Variants in CNTROB observed in about 807,000 individuals in gnomAD.
The protein encoded by CNTROB is centrobin.
CNTROB carries 82 observed loss-of-function variants against 115.7 expected under a neutral mutation model. The observed-to-expected ratio is 0.71, with a 90% CI of 0.59 to 0.85. CNTROB has a LOEUF of 0.85. CNTROB is among the 40% of genes least tolerant of loss of function. The probability of loss-of-function intolerance (pLI) is 0.00; values close to 1 mark genes in which losing one functional copy is unlikely to be tolerated. For missense variants in CNTROB, 1,014 were observed against 1,144.4 expected, an observed-to-expected ratio of 0.89 and a Z score of 1.64; for synonymous variants, 439 against 456.4, an observed-to-expected ratio of 0.96 and a Z score of 0.49.
chr17:7,934,053 G>A lies in CNTROB; in HGVS notation c.271-85G>A, dbSNP rs970177295. 1.2e-5 allele frequency: 13 copies of A among 1,122,686 alleles called. No homozygotes were observed. In the Admixed American group the frequency reaches 1.4e-4, roughly 12 times the overall value. 69.5% of individuals were successfully genotyped at this position (1,122,686 alleles called of 1,614,324 possible). A position where few individuals can be genotyped will look rare whatever the true frequency, so the allele number is the denominator to read the frequency against. ...CGTTTGGTTTTTCTTGTTTTCCAAA[G>A]TGCTGGAGTGAAAATTCTACCCTGG... On this transcript the variant is annotated intron_variant, in intron 1 of 18. Transcript: ENST00000563694.
At position 7,936,452 on chromosome 17, in the gene CNTROB, G is replaced by A; in HGVS notation, c.681G>A (p.Lys227=). ...CCGTGGCTGTGGCTGCCGACCGCAA[G>A]AAAGATACCATGATTGAACAACTGG... ...QLAVAVAADR[K]KDTMIEQLDK... is the part of the protein sequence containing the mutation. The change falls in exon 5 of 19, where the codon AAG becomes AAA. Residue 227 remains lysine (K), a synonymous_variant. Coordinates refer to ENST00000563694, the MANE Select transcript of CNTROB (RefSeq NM_053051.5). 7 of 1,516,766 alleles carry A rather than the reference G, an allele frequency of 4.6e-6. No homozygotes were observed. Among genetic ancestry groups the A allele is most frequent in the Non-Finnish European group, 6.4e-6 (7 of 1,091,196 alleles). The allele number at this position is 1,516,766 out of a possible 1,614,324, so 94.0% of individuals were successfully genotyped here. A position where few individuals can be genotyped will look rare whatever the true frequency, so the allele number is the denominator to read the frequency against.
intron 7 of CNTROB, 28 bp downstream of exon 7, chr17:7,937,290 A>G (rs768066027): frequency 4.3e-6 from 7 of 1,612,990 alleles, no homozygotes; most frequent in Non-Finnish European, 1.7e-6. Flanking sequence ...GGTTAATTCC[A>G]CTGGAAGCTG....
In CNTROB at chr17:7,941,974, AAGAC is replaced by A. The variant is rs569032595; in HGVS notation, c.1312-1413_1312-1410del. On this transcript the variant is annotated intron_variant, in intron 9 of 18. Transcript: ENST00000563694. ...GCGAGACCGAGTCTCAAAAAAAAAA[AAGAC>A]AGAAAGGGCCAGGTGTGGTGGCTCA... Among the ~76,000 whole-genome samples the A allele has an allele frequency of 1.6e-3, 247 of 150,460 alleles. 5 individuals carry two copies. The South Asian group carries it at 0.03, about 18-fold the overall frequency.
At chr17:7,936,910 A>T in intron 6 of CNTROB, 93 bp downstream of exon 6, 1 of 786,378 alleles carries the variant, frequency 1.3e-6, no homozygotes, top group Non-Finnish European at 2.3e-6. Flanking sequence ...GGTTTCCAAC[A>T]GATTGACCTC....
chr17:7,934,611 T>C lies in CNTROB; in HGVS notation c.437+65T>C, dbSNP rs1972924082. 6 of 1,380,506 alleles carry C rather than the reference T, an allele frequency of 4.3e-6. No individual in the cohort carries two copies. In the Admixed American group the frequency reaches 6.8e-5, roughly 16 times the overall value. 85.5% of individuals were successfully genotyped at this position (1,380,506 alleles called of 1,614,324 possible). ...TTGGAAATCCAGGTGTTTTGTTCCT[T>C]ATTTCTCCCTTTATTGCTTTTGTAC... On this transcript the variant is annotated intron_variant, in intron 3 of 18. Coordinates refer to ENST00000563694, the MANE Select transcript of CNTROB (RefSeq NM_053051.5).
chr17:7,949,660 T>A lies in CNTROB; in HGVS notation c.*150T>A. 1.5e-6 allele frequency: 1 copy of A among 678,174 alleles called. No homozygotes were observed. Among genetic ancestry groups the A allele is most frequent in the Non-Finnish European group, 2.3e-6 (1 of 439,416 alleles). 42.0% of individuals were successfully genotyped at this position (678,174 alleles called of 1,614,324 possible). ...CGTAAAGAAACCACATTTGGTTGAG[T>A]ACTTTTTTTATATGTTACATGTTTA... is the stretch of plus-strand genomic sequence containing the variant. On this transcript the variant is annotated 3_prime_UTR_variant, in exon 19 of 19. Transcript: ENST00000563694.
Position 7,939,461 on chromosome 17 carries a change from G to T in CNTROB, c.928-52G>T. The T allele has an allele frequency of 6.8e-7, 1 of 1,461,798 alleles. No individual in the cohort carries two copies. Among genetic ancestry groups the T allele is most frequent in the South Asian group, 1.2e-5 (1 of 86,334 alleles). 90.6% of individuals were successfully genotyped at this position (1,461,798 alleles called of 1,614,324 possible). Reference sequence around the variant, plus strand: ...TTGTATGAGGGTCAGAGGGCAGATCGCTGGTCTCTGAAGAGCCTACTAAGG... The same window carrying T: ...TTGTATGAGGGTCAGAGGGCAGATCTCTGGTCTCTGAAGAGCCTACTAAGG... On this transcript the variant is annotated intron_variant, in intron 7 of 18. Coordinates refer to ENST00000563694, the MANE Select transcript of CNTROB (RefSeq NM_053051.5). The surrounding 1 kb of genome is among the most constrained non-coding windows in gnomAD (Gnocchi z 4.4).
At position 7,948,615 on chromosome 17, in the gene CNTROB, A is replaced by C; in HGVS notation, c.2509A>C (p.Ser837Arg). The C allele has an allele frequency of 1.2e-6, 2 of 1,614,136 alleles. No homozygotes were observed. Among genetic ancestry groups the C allele is most frequent in the Non-Finnish European group, 1.7e-6 (2 of 1,180,024 alleles). ...LLLYLKRLEH[S>R]GTDGRGDNVP... ...GCTCTACCTGAAGAGGCTGGAACAC[A>C]GCGGGTACAAGCCTGGGAGGAAGGA... The change falls in exon 17 of 19, where the codon AGC (serine) becomes CGC (arginine). Residue 837 changes from serine to arginine, a missense_variant. Coordinates refer to ENST00000563694, the MANE Select transcript of CNTROB (RefSeq NM_053051.5). The surrounding 1 kb of genome is among the most constrained non-coding windows in gnomAD (Gnocchi z 4.4).
Position 7,948,702 on chromosome 17 carries a change from A to G in CNTROB, c.2513+83A>G, listed in dbSNP as rs1236096222. ...GTGGAGTGGGTGTGTTTTACACTGA[A>G]TTGAATCGTTGTCCTTTTCTGGGGA... On this transcript the variant is annotated intron_variant, in intron 17 of 18. Coordinates refer to ENST00000563694, the MANE Select transcript of CNTROB (RefSeq NM_053051.5). The surrounding 1 kb of genome is among the most constrained non-coding windows in gnomAD (Gnocchi z 4.4). 1.2e-6 allele frequency: 2 copies of G among 1,613,354 alleles called. No individual in the cohort carries two copies. The highest frequency in any genetic ancestry group is 1.7e-5 in the Admixed American group (1 of 59,994).
chr17:7,932,119 G>A (rs1972579473), upstream of CNTROB: 1 of 496,798 alleles, frequency 2.0e-6, no homozygotes, highest in Non-Finnish European at 3.7e-6. Flanking sequence ...GCGGCCAGGC[G>A]CTCGGGATAC....
In CNTROB at chr17:7,939,795, A is replaced by G. The variant is rs1973638033; in HGVS notation, c.1164+46A>G. The stretch of plus-strand genomic sequence containing the variant: ...AGCTGAGGAACTAGGGAGTAGATGA[A>G]GGGCAAAATAATTGAATGGGATGGA... On this transcript the variant is annotated intron_variant, in intron 8 of 18. Transcript: ENST00000563694. The surrounding 1 kb of genome is among the most constrained non-coding windows in gnomAD (Gnocchi z 4.4). 1 of 1,536,536 alleles carries G rather than the reference A, an allele frequency of 6.5e-7. No homozygotes were observed. The highest frequency in any genetic ancestry group is 2.3e-5 in the East Asian group (1 of 44,438).
At position 7,943,795 on chromosome 17, in the gene CNTROB, A is replaced by T. The variant is rs7209540; in HGVS notation, c.1445+271A>T. On this transcript the variant is annotated intron_variant, in intron 10 of 18. Coordinates refer to ENST00000563694, the MANE Select transcript of CNTROB (RefSeq NM_053051.5). This position sits in a 1 kb window ranked among gnomAD's most constrained non-coding sequence, Gnocchi z 4.7. ...GAATGATAGATGGTCCAGCTCCCTC[A>T]CTGGGACAGTGCTGAGGTATGACCT... Among the ~76,000 whole-genome samples, 2 of 151,998 alleles carry T rather than the reference A, an allele frequency of 1.3e-5. No individual in the cohort carries two copies. Among genetic ancestry groups the T allele is most frequent in the African/African-American group, 4.8e-5 (2 of 41,374 alleles).
Position 7,949,729 on chromosome 17 carries a change from G to A in CNTROB, c.*219G>A, listed in dbSNP as rs1327439692. 7 of 427,522 alleles carry A rather than the reference G, an allele frequency of 1.6e-5. No homozygotes were observed. The highest frequency in any genetic ancestry group is 4.3e-5 in the Admixed American group (1 of 23,070). The allele number at this position is 427,522 out of a possible 1,614,324, so 26.5% of individuals were successfully genotyped here. ...AAAAGACATGAATGCTTTGGAAGAC[G>A]GTCTATGACAAGATTTGGAAAGTTG... On this transcript the variant is annotated 3_prime_UTR_variant, in exon 19 of 19. Coordinates refer to ENST00000563694, the MANE Select transcript of CNTROB (RefSeq NM_053051.5).
At position 7,949,099 on chromosome 17, in the gene CNTROB, G is replaced by A. The variant is rs1974904352; in HGVS notation, c.2528G>A (p.Gly843Glu). ...TTGTGTAGCAGGACTGATGGCCGAG[G>A]GGATAATGTCCCCAGAAGGAACACA... Reference protein sequence around the residue: ...RLEHSGTDGRGDNVPRRNTDS... With the variant: ...RLEHSGTDGREDNVPRRNTDS... The change falls in exon 18 of 19, where the codon GGG becomes GAG. Residue 843 changes from glycine (G) to glutamate (E), a missense_variant. Coordinates refer to ENST00000563694, the MANE Select transcript of CNTROB (RefSeq NM_053051.5). 1 of 1,614,120 alleles carries A rather than the reference G, an allele frequency of 6.2e-7. No individual in the cohort carries two copies. The highest frequency in any genetic ancestry group is 8.5e-7 in the Non-Finnish European group (1 of 1,180,016).
rs1435159574 is a variant in CNTROB, at chr17:7,945,897, C to T, written c.1904C>T (p.Ser635Leu). The change falls in exon 13 of 19, where the codon TCA (serine) becomes TTA (leucine). Residue 635 changes from serine to leucine, a missense_variant. Transcript: ENST00000563694. ...GAPPVLCSSS[S>L]DLSLLLGPSF... is the part of the protein sequence containing the mutation. ...CCTCCTGTTCTTTGCAGTTCCTCCT[C>T]AGATCTTAGCCTCCTGTTGGGCCCC... 2 of 1,614,056 alleles carry T rather than the reference C, an allele frequency of 1.2e-6. No homozygotes were observed. The highest frequency in any genetic ancestry group is 8.5e-7 in the Non-Finnish European group (1 of 1,179,998).
At chr17:7,934,952 T>G (rs757680217) in intron 3 of CNTROB, 37 bp from the exon 4 acceptor site, 1 of 1,530,334 alleles carries the variant, frequency 6.5e-7, no homozygotes, top group Non-Finnish European at 8.8e-7. Context: ...TTCCAAAAGC[T>G]TTCCCAGCCC....
In CNTROB at chr17:7,948,924, C is replaced by T. The variant is rs1598120165; in HGVS notation, c.2514-161C>T. 6.0e-6 allele frequency: 9 copies of T among 1,502,676 alleles called. No homozygotes were observed. Among genetic ancestry groups the T allele is most frequent in the African/African-American group, 2.8e-5 (2 of 72,050 alleles). The allele number at this position is 1,502,676 out of a possible 1,614,324, so 93.1% of individuals were successfully genotyped here. A position where few individuals can be genotyped will look rare whatever the true frequency, so the allele number is the denominator to read the frequency against. On this transcript the variant is annotated intron_variant, in intron 17 of 18. Transcript: ENST00000563694. This position sits in a 1 kb window ranked among gnomAD's most constrained non-coding sequence, Gnocchi z 4.4. Reference sequence around the variant, plus strand: ...AGACTTTTGACTAGCTAGTGTAACTCGTTATTTACTTCCACTAATGTCTCC... The same window carrying T: ...AGACTTTTGACTAGCTAGTGTAACTTGTTATTTACTTCCACTAATGTCTCC...
At position 7,933,334 on chromosome 17, in the gene CNTROB, G is replaced by T. The variant is rs747363873; in HGVS notation, c.255G>T (p.Lys85Asn). 7.4e-6 allele frequency: 12 copies of T among 1,612,674 alleles called. No individual in the cohort carries two copies. The highest frequency in any genetic ancestry group is 2.7e-5 in the African/African-American group (2 of 74,854). Reference sequence around the variant, plus strand: ...GAAGCTTGTCAGTCGGATTGGAAAAGAACTTGAAGAAAAAGGTGAGGGAAG... The same window carrying T: ...GAAGCTTGTCAGTCGGATTGGAAAATAACTTGAAGAAAAAGGTGAGGGAAG... ...LSRSLSVGLE[K>N]NLKKKDGSKH... Residue 85 changes from lysine (K) to asparagine (N), a missense_variant, in exon 1 of 19, where the codon AAG (lysine) becomes AAT (asparagine). Physicochemically the swap from Lys to Asn is moderately conservative, Grantham distance 94 (BLOSUM62 0). Coordinates refer to ENST00000563694, the MANE Select transcript of CNTROB (RefSeq NM_053051.5).
chr17:7,939,964 TG>T lies in CNTROB; in HGVS notation c.1165-128del. On this transcript the variant is annotated intron_variant, in intron 8 of 18. Coordinates refer to ENST00000563694, the MANE Select transcript of CNTROB (RefSeq NM_053051.5). This position sits in a 1 kb window ranked among gnomAD's most constrained non-coding sequence, Gnocchi z 4.4. ...GCCAAAGACTGAAATTCAACAGGGA[TG>T]GGGAAATAAAACAAATGGGAGGAGC... The T allele has an allele frequency of 8.5e-7, 1 of 1,181,682 alleles. No individual in the cohort carries two copies. Among genetic ancestry groups the T allele is most frequent in the South Asian group, 1.5e-5 (1 of 67,304 alleles). 73.2% of individuals were successfully genotyped at this position (1,181,682 alleles called of 1,614,324 possible). A position where few individuals can be genotyped will look rare whatever the true frequency, so the allele number is the denominator to read the frequency against.
Sources: allele counts gnomAD v4.1 joint callset (sites outside exome capture counted in the v4.1 genomes callset), GRCh38; gene constraint gnomAD v4.1.1; non-coding constraint Gnocchi (gnomAD v3.1); transcripts MANE v1.5; gene names NCBI Gene and HGNC (gene_info 2026-07-23, HGNC 2026-07-21).